PRIM2: variants seen among roughly 807,000 people sequenced by gnomAD.
PRIM2 encodes the protein DNA primase subunit 2.
A neutral mutation model predicts 67.3 loss-of-function variants in PRIM2; 39 were observed. The observed-to-expected ratio is 0.58, with a 90% CI of 0.45 to 0.76. The LOEUF (loss-of-function observed/expected upper bound fraction) is 0.76, where lower values mean the gene tolerates loss of function less well. PRIM2 is among the 30% of genes least tolerant of loss of function. The probability of loss-of-function intolerance (pLI) is 0.00; values close to 1 mark genes in which losing one functional copy is unlikely to be tolerated. For synonymous variants in PRIM2, 143 were observed against 198.7 expected (o/e 0.72, Z 2.36); for missense variants, 398 against 598.7 (o/e 0.66, Z 3.50).
the PRIM2 span, among the ~76,000 whole-genome samples, chr6:57,280,088 C>G: frequency 6.6e-6 from 1 of 152,130 alleles, no homozygotes; most frequent in Non-Finnish European, 1.5e-5. Flanking sequence ...CCTCAACAGT[C>G]CTTAGGGATA....
chr6:57,454,918 C>T (rs1772706949), intron 7 of PRIM2, among the ~76,000 whole-genome samples: 1 of 152,014 alleles, frequency 6.6e-6, no homozygotes, highest in Non-Finnish European at 1.5e-5. Flanking sequence ...GTCATGTGGG[C>T]ATTTAGTGCT....
At chr6:57,550,996 GTGTT>G (rs1463906415) in intron 10 of PRIM2, among the ~76,000 whole-genome samples, 4 of 152,214 alleles carry the variant, frequency 2.6e-5, no homozygotes, top group African/African-American at 9.6e-5. Flanking sequence ...AACCTGTTGT[GTGTT>G]TGTCACCCAT....
At chr6:57,244,786 TA>T in the PRIM2 span, among the ~76,000 whole-genome samples, 1 of 151,862 alleles carries the variant, frequency 6.6e-6, no homozygotes, top group Admixed American at 6.6e-5. Context: ...TGCCTGTGGG[TA>T]TTTGCCCTGC....
chr6:57,528,075 C>A (rs1459056107), intron 8 of PRIM2, among the ~76,000 whole-genome samples: 5 of 152,032 alleles, frequency 3.3e-5, no homozygotes, highest in Non-Finnish European at 5.9e-5. Flanking sequence ...GCAATCCTCC[C>A]ACCTCAGCCT....
At chr6:57,564,086 A>G (rs1775691350) in intron 10 of PRIM2, among the ~76,000 whole-genome samples, 4 of 152,216 alleles carry the variant, frequency 2.6e-5, no homozygotes, top group African/African-American at 9.7e-5. Flanking sequence ...GATTTAAAGG[A>G]GTGATGTAGT....
intron 7 of PRIM2, among the ~76,000 whole-genome samples, chr6:57,393,082 C>T (rs4523091): frequency 0.019 from 2,856 of 150,522 alleles, 53 homozygotes; most frequent in Middle Eastern, 0.034. Context: ...ATTGGTTCCA[C>T]GATTTTGCAA....
chr6:57,321,461 C>T (rs950546952), intron 3 of PRIM2, among the ~76,000 whole-genome samples: 2 of 152,012 alleles, frequency 1.3e-5, no homozygotes. Context: ...TAGGTAAGAG[C>T]ACCCTAGAAA....
At chr6:57,240,298 T>C in the PRIM2 span, among the ~76,000 whole-genome samples, 1 of 151,990 alleles carries the variant, frequency 6.6e-6, no homozygotes. Context: ...GATGGGCTTC[T>C]CTATGTTGGT....
chr6:57,573,924 T>A (rs1241490494), intron 10 of PRIM2, among the ~76,000 whole-genome samples: 2 of 152,038 alleles, frequency 1.3e-5, no homozygotes, highest in African/African-American at 4.8e-5. Context: ...CTGCTATGGC[T>A]TTGGAGAAAT....
intron 10 of PRIM2, among the ~76,000 whole-genome samples, chr6:57,583,913 T>G (rs1387624998): frequency 8.5e-5 from 13 of 152,416 alleles, no homozygotes; most frequent in African/African-American, 3.1e-4. Flanking sequence ...TCCTCATTTA[T>G]AAAATACAAA....
At chr6:57,284,897 G>C in the PRIM2 span, among the ~76,000 whole-genome samples, 2,947 of 152,144 alleles carry the variant, frequency 0.019, 106 homozygotes, top group African/African-American at 0.066. Flanking sequence ...TAATAAAGAA[G>C]AGAGAAGAAT....
At chr6:57,275,066 C>G in the PRIM2 span, among the ~76,000 whole-genome samples, 1 of 151,970 alleles carries the variant, frequency 6.6e-6, no homozygotes, top group African/African-American at 2.4e-5. Flanking sequence ...CTGCGCCCAG[C>G]CCCTCCTCCC....
the PRIM2 span, among the ~76,000 whole-genome samples, chr6:57,225,123 A>G: frequency 6.6e-6 from 1 of 152,006 alleles, no homozygotes; most frequent in African/African-American, 2.4e-5. Flanking sequence ...TCCACAATTT[A>G]TCACCTTTTA....
At chr6:57,314,683 T>C (rs1168690253), upstream of PRIM2, 6 of 152,248 alleles carry the variant, frequency 3.9e-5, no homozygotes, top group African/African-American at 1.4e-4. Flanking sequence ...TGTTTATGTA[T>C]GTTTTCCTTC....
At chr6:57,565,239 C>G (rs1441078219) in intron 10 of PRIM2, among the ~76,000 whole-genome samples, 1 of 150,238 alleles carries the variant, frequency 6.7e-6, no homozygotes, top group African/African-American at 2.4e-5. Flanking sequence ...TGTCATCATA[C>G]TAAACAGTTA....
intron 7 of PRIM2, among the ~76,000 whole-genome samples, chr6:57,496,697 A>G (rs1774012325): frequency 1.3e-5 from 2 of 152,218 alleles, no homozygotes; most frequent in African/African-American, 4.8e-5. Context: ...TGTTTAGGAG[A>G]CAAAAATGAT....
intron 5 of PRIM2, among the ~76,000 whole-genome samples, chr6:57,334,408 C>T (rs1768154879): frequency 1.3e-5 from 2 of 152,102 alleles, no homozygotes; most frequent in Non-Finnish European, 2.9e-5. Context: ...GATTTCATTT[C>T]CTTCAGATAC....
intron 12 of PRIM2, among the ~76,000 whole-genome samples, chr6:57,630,720 AT>A (rs1419092704): frequency 6.6e-6 from 1 of 152,062 alleles, no homozygotes; most frequent in African/African-American, 2.4e-5. Flanking sequence ...CTTCTCCAAA[AT>A]TCTAATTCAG....
At chr6:57,629,455 A>C (rs1777007572) in intron 12 of PRIM2, among the ~76,000 whole-genome samples, 2 of 152,180 alleles carry the variant, frequency 1.3e-5, no homozygotes, top group Admixed American at 1.3e-4. Context: ...ATCAGTTGGC[A>C]GGGGAAGGGG....
Sources: allele counts gnomAD v4.1 joint callset (sites outside exome capture counted in the v4.1 genomes callset), GRCh38; gene constraint gnomAD v4.1.1; transcripts MANE v1.5; gene names NCBI Gene and HGNC (gene_info 2026-07-23, HGNC 2026-07-21).